The following RFX7 variants were observed in gnomAD, a reference collection of about 807,000 sequenced individuals.
RFX7 encodes DNA-binding protein RFX7.
A neutral mutation model predicts 111.8 loss-of-function variants in RFX7; 26 were observed. The observed-to-expected ratio is 0.23, with a 90% CI of 0.17 to 0.32. The LOEUF (loss-of-function observed/expected upper bound fraction) is 0.32, where lower values mean the gene tolerates loss of function less well. Among genes scored for constraint, RFX7 ranks in the 10% least tolerant of loss-of-function variants. RFX7 has a pLI of 1.00. For missense variants in RFX7, 1,573 were observed against 1,772.9 expected (o/e 0.89, Z 2.02); for synonymous variants, 624 against 624.4 (o/e 1.00, Z 0.01).
intron 3 of RFX7, among the ~76,000 whole-genome samples, chr15:56,177,904 C>T (rs2042919631): frequency 6.6e-6 from 1 of 152,128 alleles, no homozygotes; most frequent in Admixed American, 6.6e-5. Context: ...CACTCCCAGT[C>T]ACCACTTTTC....
Position 56,093,269 on chromosome 15 carries a change from C to A in RFX7, c.*76G>T. 1 of 1,238,866 alleles carries A rather than the reference C, an allele frequency of 8.1e-7. No homozygotes were observed. Among genetic ancestry groups the A allele is most frequent in the Non-Finnish European group, 1.1e-6 (1 of 909,958 alleles). The allele number at this position is 1,238,866 out of a possible 1,614,324, so 76.7% of individuals were successfully genotyped here. ...GTCACAATTAATAGTATTTCTGCTGCGGGAGGCACTTCCATTAAGACAAAT... is the reference window on the plus strand; with the variant it reads ...GTCACAATTAATAGTATTTCTGCTGAGGGAGGCACTTCCATTAAGACAAAT... On this transcript the variant is annotated 3_prime_UTR_variant, in exon 10 of 10. Coordinates refer to ENST00000559447, the MANE Select transcript of RFX7 (RefSeq NM_022841.7).
In RFX7 at chr15:56,093,757, C is replaced by T. The variant is rs188930329; in HGVS notation, c.3971G>A (p.Gly1324Asp). 1,500 of 1,613,834 alleles carry T rather than the reference C, an allele frequency of 9.3e-4. 3 individuals carry two copies. Among genetic ancestry groups the T allele is most frequent in the Non-Finnish European group, 1.1e-3 (1,349 of 1,179,842 alleles). ...PSYLTKSNST[G>D]QINFSPGDNQ... ...ATCTCCAGGAGAAAAATTGATCTGA[C>T]CGGTGCTATTACTTTTGGTGAGGTA... The change falls in exon 10 of 10, where the codon GGT becomes GAT. Residue 1324 changes from glycine (G) to aspartate (D), a missense_variant. Around this residue, in one of 7 missense-constraint regions of RFX7, gnomAD observed 411 missense variants for 478.1 expected, o/e 0.86. Transcript: ENST00000559447.
At chr15:56,135,582 G>A (rs1315050281) in intron 5 of RFX7, among the ~76,000 whole-genome samples, 5 of 151,656 alleles carry the variant, frequency 3.3e-5, no homozygotes, top group Non-Finnish European at 7.4e-5. Context: ...TCACTCTGAT[G>A]GTAGTTTCTT....
At chr15:56,216,753 AG>A (rs1455219548) in intron 2 of RFX7, among the ~76,000 whole-genome samples, 7 of 152,182 alleles carry the variant, frequency 4.6e-5, no homozygotes, top group Non-Finnish European at 1.0e-4. Flanking sequence ...TACAACTACA[AG>A]TTCTGATGTG....
In RFX7 at chr15:56,094,285, G is replaced by C; in HGVS notation, c.3443C>G (p.Pro1148Arg). ...TGAATTAGTTCCTTTATTATCAAGA[G>C]GGGCAGGGACTGCAAAACCCTCCTG... ...NKQEGFAVPA[P>R]LDNKGTNSSA... The change falls in exon 10 of 10, where the codon CCT becomes CGT. Residue 1148 changes from proline to arginine, a missense_variant. Transcript: ENST00000559447. 6.2e-7 allele frequency: 1 copy of C among 1,613,974 alleles called. No individual in the cohort carries two copies. Among genetic ancestry groups the C allele is most frequent in the Non-Finnish European group, 8.5e-7 (1 of 1,179,884 alleles).
rs535967705 is a variant in RFX7, at chr15:56,137,181, G to A, written c.401+5597C>T. 5.3e-5 allele frequency among the ~76,000 whole-genome samples: 8 copies of A among 152,138 alleles called. No individual in the cohort carries two copies. The East Asian group carries it at 1.2e-3, about 22-fold the overall frequency. On this transcript the variant is annotated intron_variant, in intron 5 of 9. Coordinates refer to ENST00000559447, the MANE Select transcript of RFX7 (RefSeq NM_022841.7). ...TTTTCTATTGATTGGAATAGTTTCA[G>A]AAGGAATGGTACCAGTTCCTCCTTG...
At chr15:56,103,086 T>C (rs2041778890) in intron 6 of RFX7, among the ~76,000 whole-genome samples, 1 of 151,510 alleles carries the variant, frequency 6.6e-6, no homozygotes, top group Non-Finnish European at 1.5e-5. Context: ...GGCTGAAAAA[T>C]ACTTGTACTG....
chr15:56,154,821 A>C (rs1360582381), intron 3 of RFX7, among the ~76,000 whole-genome samples: 3 of 152,242 alleles, frequency 2.0e-5, no homozygotes, highest in Admixed American at 6.5e-5. Flanking sequence ...ACAGCAAAAG[A>C]AACTATCATC....
intron 2 of RFX7, among the ~76,000 whole-genome samples, chr15:56,232,172 A>G (rs1168011293): frequency 2.0e-5 from 3 of 152,192 alleles, no homozygotes; most frequent in African/African-American, 7.2e-5. Flanking sequence ...CAGCTCTGCT[A>G]GGCAGTGCCC....
chr15:56,097,746 C>CAAAAAAA (rs67718449), intron 9 of RFX7, among the ~76,000 whole-genome samples: 708 of 47,290 alleles, frequency 0.015, 161 homozygotes, highest in African/African-American at 0.065. Context: ...GACTCTGTCT[C>CAAAAAAA]AAAAAAAAAA....
intron 2 of RFX7, among the ~76,000 whole-genome samples, chr15:56,213,615 A>C (rs2043334030): frequency 6.6e-6 from 1 of 152,150 alleles, no homozygotes; most frequent in Admixed American, 6.5e-5. Context: ...TGACCGTATC[A>C]ATGTTTTGGT....
At chr15:56,184,923 T>C (rs535225492) in intron 2 of RFX7, among the ~76,000 whole-genome samples, 2 of 152,222 alleles carry the variant, frequency 1.3e-5, no homozygotes, top group East Asian at 3.8e-4. Flanking sequence ...GCAAAGAGGT[T>C]TATCTATGTA....
chr15:56,153,595 C>T (rs553995838), intron 3 of RFX7, among the ~76,000 whole-genome samples: 2 of 152,282 alleles, frequency 1.3e-5, no homozygotes, highest in East Asian at 3.9e-4. Context: ...AAATTCACCC[C>T]TTCATGCTAA....
chr15:56,112,990 A>C (rs2041960125), intron 5 of RFX7, among the ~76,000 whole-genome samples: 1 of 152,248 alleles, frequency 6.6e-6, no homozygotes, highest in Non-Finnish European at 1.5e-5. Context: ...ATTATTAAAA[A>C]GTCAAGAAAC....
At chr15:56,138,846 A>G (rs2042345469) in intron 5 of RFX7, among the ~76,000 whole-genome samples, 2 of 152,214 alleles carry the variant, frequency 1.3e-5, no homozygotes, top group South Asian at 2.1e-4. Flanking sequence ...GCTTGTCTGT[A>G]AAGTATTTTA....
At chr15:56,242,647 T>A (rs1291566745) in intron 2 of RFX7, among the ~76,000 whole-genome samples, 4 of 152,220 alleles carry the variant, frequency 2.6e-5, no homozygotes, top group African/African-American at 9.6e-5. Flanking sequence ...AAATAGCAGC[T>A]AACCCAACTG....
chr15:56,169,916 G>GA (rs1177132758), intron 3 of RFX7, among the ~76,000 whole-genome samples: 84 of 137,982 alleles, frequency 6.1e-4, no homozygotes, highest in Admixed American at 9.4e-4. Flanking sequence ...GGCAGAAACA[G>GA]AAAAAAAAAA....
At chr15:56,135,218 T>C in intron 5 of RFX7, among the ~76,000 whole-genome samples, 1 of 151,848 alleles carries the variant, frequency 6.6e-6, no homozygotes, top group East Asian at 1.9e-4. Flanking sequence ...TGAACTAGTT[T>C]ACAGTCCCAC....
chr15:56,202,866 A>G (rs2043207051), intron 2 of RFX7, among the ~76,000 whole-genome samples: 2 of 152,202 alleles, frequency 1.3e-5, no homozygotes, highest in African/African-American at 4.8e-5. Context: ...TACAGAGACA[A>G]AAGAGGTCAT....
Sources: gnomAD v4.1 joint callset for allele counts (sites outside exome capture counted in the v4.1 genomes callset) on GRCh38, gnomAD v4.1.1 for gene constraint, gnomAD v4.1.1 regional missense constraint, MANE v1.5 for transcripts, NCBI Gene and HGNC (gene_info 2026-07-23, HGNC 2026-07-21) for gene names.